Variants in CACNA2D3 observed in about 807,000 individuals in gnomAD.
The protein encoded by CACNA2D3 is calcium voltage-gated channel auxiliary subunit alpha2delta 3, also known as voltage-dependent calcium channel subunit alpha-2/delta-3.
In CACNA2D3, 60 loss-of-function variants were observed where a neutral mutation model predicts 160.6. The observed-to-expected ratio is 0.37, with a 90% CI of 0.30 to 0.46. CACNA2D3 has a LOEUF of 0.46. CACNA2D3 is among the 20% of genes least tolerant of loss of function. The probability of loss-of-function intolerance (pLI) is 1.00; values close to 1 mark genes in which losing one functional copy is unlikely to be tolerated. For synonymous variants in CACNA2D3, 558 were observed against 492.9 expected (o/e 1.13, Z -1.75); for missense variants, 1,205 against 1,365.0 (o/e 0.88, Z 1.85).
Position 54,519,975 on chromosome 3 carries a change from A to G in CACNA2D3, c.544+16321A>G, listed in dbSNP as rs141088506. ...CCAAGAAGTGAAGCAAAGAGTTTGAACACACCTATTATATAAAGCTGTGTC... is the reference window on the plus strand; with the variant it reads ...CCAAGAAGTGAAGCAAAGAGTTTGAGCACACCTATTATATAAAGCTGTGTC... On this transcript the variant is annotated intron_variant, in intron 5 of 37. Coordinates refer to ENST00000474759, the MANE Select transcript of CACNA2D3 (RefSeq NM_018398.3). Among the ~76,000 whole-genome samples the G allele has an allele frequency of 9.8e-5, 15 of 152,348 alleles. No individual in the cohort carries two copies. In the East Asian group the frequency reaches 2.9e-3, roughly 29 times the overall value.
At chr3:54,420,341 C>T (rs1340768402) in intron 4 of CACNA2D3, among the ~76,000 whole-genome samples, 3 of 152,192 alleles carry the variant, frequency 2.0e-5, no homozygotes, top group African/African-American at 4.8e-5. Context: ...CCTTGGCCTC[C>T]CAAAGTGCTG....
chr3:54,740,824 A>G (rs1309374578), intron 11 of CACNA2D3, among the ~76,000 whole-genome samples: 1 of 152,212 alleles, frequency 6.6e-6, no homozygotes, highest in African/African-American at 2.4e-5. Flanking sequence ...GGAAAAGGCA[A>G]CTGTGCTATC....
intron 25 of CACNA2D3, among the ~76,000 whole-genome samples, chr3:54,892,433 C>G (rs1260616804): frequency 1.3e-5 from 2 of 152,060 alleles, no homozygotes; most frequent in Non-Finnish European, 2.9e-5. Flanking sequence ...GGCCCTGACA[C>G]CCACCATATA....
chr3:54,865,316 G>A (rs77777955), intron 17 of CACNA2D3, among the ~76,000 whole-genome samples: 1,860 of 152,316 alleles, frequency 0.012, 30 homozygotes, highest in Non-Finnish European at 0.017. Context: ...ACAATGAGCC[G>A]TTATTACATG....
chr3:54,630,333 C>A lies in CACNA2D3; in HGVS notation c.1053+2457C>A, dbSNP rs539875572. ...GCTCCCCTTCCTCTATTTTCTGTTC[C>A]TTTCCCTGGTACCCTTTCTCTGTCC... On this transcript the variant is annotated intron_variant, in intron 10 of 37. Transcript: ENST00000474759. Among the ~76,000 whole-genome samples, 26 of 152,228 alleles carry A rather than the reference C, an allele frequency of 1.7e-4. No individual in the cohort carries two copies. In the South Asian group the frequency reaches 5.4e-3, roughly 32 times the overall value.
At chr3:54,638,983 AAGAGT>A (rs1316209698) in intron 10 of CACNA2D3, 1 of 152,148 alleles carries the variant, frequency 6.6e-6, no homozygotes, top group Non-Finnish European at 1.5e-5. Context: ...GCCCAGAGAA[AAGAGT>A]AGAGACACGG....
chr3:55,041,786 T>C (rs1241372150), intron 35 of CACNA2D3, among the ~76,000 whole-genome samples: 2 of 152,120 alleles, frequency 1.3e-5, no homozygotes, highest in Non-Finnish European at 2.9e-5. Context: ...TATTCTCTAA[T>C]AAACATTTAA....
intron 2 of CACNA2D3, among the ~76,000 whole-genome samples, chr3:54,231,003 G>A (rs1193259938): frequency 6.6e-6 from 1 of 152,158 alleles, no homozygotes; most frequent in Admixed American, 6.5e-5. Flanking sequence ...ATGGTGACTT[G>A]GATGGACTCC....
At chr3:54,519,236 GTT>G (rs973031306) in intron 5 of CACNA2D3, among the ~76,000 whole-genome samples, 1 of 152,206 alleles carries the variant, frequency 6.6e-6, no homozygotes, top group African/African-American at 2.4e-5. Flanking sequence ...CCAGGGACTG[GTT>G]TCTAAGATGA....
intron 5 of CACNA2D3, among the ~76,000 whole-genome samples, chr3:54,541,373 A>C (rs1203546218): frequency 6.6e-6 from 1 of 151,926 alleles, no homozygotes; most frequent in African/African-American, 2.4e-5. Context: ...ATAAAGATGG[A>C]GGCAGAAATG....
intron 35 of CACNA2D3, among the ~76,000 whole-genome samples, chr3:55,022,571 C>CCTTCCTTCTTTCTTTCT (rs772677159): frequency 0.026 from 1,252 of 48,378 alleles, 12 homozygotes; most frequent in Non-Finnish European, 0.033. Context: ...TCTTTCTTTC[C>CCTTCCTTCTTTCTTTCT]TTCCTTCCTT....
At chr3:54,366,274 C>T (rs1698826018) in intron 3 of CACNA2D3, among the ~76,000 whole-genome samples, 2 of 152,106 alleles carry the variant, frequency 1.3e-5, no homozygotes, top group South Asian at 4.1e-4. Flanking sequence ...GTCAGAGACA[C>T]CACATGTGGA....
intron 2 of CACNA2D3, among the ~76,000 whole-genome samples, chr3:54,210,811 G>C (rs2107362172): frequency 6.6e-6 from 1 of 152,300 alleles, no homozygotes. Context: ...CTGAGACTAA[G>C]AGTCAGGCAG....
intron 13 of CACNA2D3, among the ~76,000 whole-genome samples, chr3:54,788,735 C>T (rs1702689197): frequency 2.0e-5 from 3 of 152,156 alleles, no homozygotes; most frequent in Admixed American, 2.0e-4. Flanking sequence ...TTCTCTACTT[C>T]ATTGGGTCAG....
At chr3:54,862,653 A>G (rs1190884188) in intron 17 of CACNA2D3, among the ~76,000 whole-genome samples, 4 of 152,180 alleles carry the variant, frequency 2.6e-5, no homozygotes, top group African/African-American at 9.7e-5. Flanking sequence ...TGGTGAGACT[A>G]GAGTCCACTG....
rs556991337 is a variant in CACNA2D3 at position 54,929,005 on chromosome 3, C to A, written c.2449+29137C>A. Among the ~76,000 whole-genome samples, 3 of 152,240 alleles carry A rather than the reference C, an allele frequency of 2.0e-5. No homozygotes were observed. In the East Asian group the frequency reaches 5.8e-4, roughly 29 times the overall value. Reference sequence around the variant, plus strand: ...CCTGAAGCTGCCCTTCTAGATAAAACAAAATGTTCTGCTGTGTGTAACTGT... The same window carrying A: ...CCTGAAGCTGCCCTTCTAGATAAAAAAAAATGTTCTGCTGTGTGTAACTGT... On this transcript the variant is annotated intron_variant, in intron 27 of 37. Coordinates refer to ENST00000474759, the MANE Select transcript of CACNA2D3 (RefSeq NM_018398.3).
At chr3:54,852,714 A>G (rs1231243521) in intron 17 of CACNA2D3, among the ~76,000 whole-genome samples, 1 of 152,210 alleles carries the variant, frequency 6.6e-6, no homozygotes, top group Non-Finnish European at 1.5e-5. Context: ...ATACATGGAC[A>G]TGCTAATCAG....
At chr3:54,858,698 G>A (rs542717688) in intron 17 of CACNA2D3, among the ~76,000 whole-genome samples, 4 of 152,266 alleles carry the variant, frequency 2.6e-5, no homozygotes, top group African/African-American at 9.6e-5. Context: ...GTTTGTCTCC[G>A]GGGAGATGGA....
intron 17 of CACNA2D3, among the ~76,000 whole-genome samples, chr3:54,855,636 G>C (rs781577820): frequency 6.6e-6 from 1 of 152,028 alleles, no homozygotes; most frequent in Non-Finnish European, 1.5e-5. Context: ...TGGAGGGAAG[G>C]AAAAAGAAAA....
Sources: gnomAD v4.1 joint callset for allele counts (sites outside exome capture counted in the v4.1 genomes callset) on GRCh38, gnomAD v4.1.1 for gene constraint, MANE v1.5 for transcripts, NCBI Gene and HGNC (gene_info 2026-07-23, HGNC 2026-07-21) for gene names.